IQGAP2: variants seen among roughly 807,000 people sequenced by gnomAD.
IQGAP2 encodes the protein IQ motif containing GTPase activating protein 2, also known as ras GTPase-activating-like protein IQGAP2.
In IQGAP2, 173 loss-of-function variants were observed where a neutral mutation model predicts 201.3. The ratio of observed to expected loss-of-function variants is 0.86; its 90% confidence interval spans 0.76 to 0.98. The LOEUF (loss-of-function observed/expected upper bound fraction) is 0.98, where lower values mean the gene tolerates loss of function less well. Ranked by LOEUF, IQGAP2 falls within the 50% of genes least tolerant of loss-of-function variation. The pLI, the probability that IQGAP2 is intolerant of heterozygous loss-of-function variation, is 0.00. For missense variants in IQGAP2, 1,687 were observed against 1,864.8 expected, an observed-to-expected ratio of 0.90 and a Z score of 1.76; for synonymous variants, 675 against 673.9, an observed-to-expected ratio of 1.00 and a Z score of -0.03.
chr5:76,437,333 G>A (rs4407615), intron 1 of IQGAP2, among the ~76,000 whole-genome samples: 2,033 of 152,012 alleles, frequency 0.013, 56 homozygotes, highest in African/African-American at 0.046. Flanking sequence ...GATTATAGGC[G>A]TGAGCCACCA....
intron 21 of IQGAP2, among the ~76,000 whole-genome samples, chr5:76,660,732 G>A (rs1311365216): frequency 1.3e-5 from 2 of 152,138 alleles, no homozygotes; most frequent in Non-Finnish European, 2.9e-5. Flanking sequence ...GCATTTTTTA[G>A]CGGTTAAATT....
intron 2 of IQGAP2, chr5:76,547,412 A>G (rs1743163191): frequency 2.0e-6 from 2 of 976,402 alleles, no homozygotes; most frequent in South Asian, 9.5e-5. Flanking sequence ...GGGGCTTAGA[A>G]GAGGGAAGTC....
intron 2 of IQGAP2, among the ~76,000 whole-genome samples, chr5:76,536,351 G>A (rs1245849969): frequency 4.6e-5 from 7 of 151,258 alleles, no homozygotes; most frequent in African/African-American, 1.5e-4. Context: ...GATCACAGGC[G>A]TGAGCTACCA....
intron 33 of IQGAP2, among the ~76,000 whole-genome samples, chr5:76,698,801 C>T (rs1467995036): frequency 1.3e-5 from 2 of 152,082 alleles, no homozygotes; most frequent in Non-Finnish European, 2.9e-5. Flanking sequence ...ATCAAATTGG[C>T]AGGAGGAAAT....
At chr5:76,404,545 G>C (rs1750690166) in intron 1 of IQGAP2, 1 of 957,540 alleles carries the variant, frequency 1.0e-6, no homozygotes, top group Non-Finnish European at 1.2e-6. Context: ...CCAGGTTTGG[G>C]TTAAGGTGGT....
At chr5:76,472,876 T>A (rs1054095688) in intron 2 of IQGAP2, among the ~76,000 whole-genome samples, 16 of 152,212 alleles carry the variant, frequency 1.1e-4, no homozygotes, top group African/African-American at 3.6e-4. Context: ...GAATTTTCCA[T>A]GGTTGCAAAT....
At chr5:76,592,222 A>G (rs975009631) in intron 8 of IQGAP2, among the ~76,000 whole-genome samples, 6 of 152,166 alleles carry the variant, frequency 3.9e-5, no homozygotes, top group Non-Finnish European at 5.9e-5. Context: ...TGAATTAAAT[A>G]CCAAATCTTA....
chr5:76,618,607 T>C, intron 13 of IQGAP2: 1 of 1,613,534 alleles, frequency 6.2e-7, no homozygotes, highest in Non-Finnish European at 8.5e-7. Context: ...ATGGGTAAGG[T>C]TGGCTTTGCC....
chr5:76,679,734 A>T (rs1745120307), intron 28 of IQGAP2, among the ~76,000 whole-genome samples: 1 of 152,208 alleles, frequency 6.6e-6, no homozygotes, highest in Admixed American at 6.5e-5. Context: ...TTTTCCCTCC[A>T]AAACATCATA....
chr5:76,594,046 C>G (rs562064540), intron 9 of IQGAP2, among the ~76,000 whole-genome samples: 1 of 152,320 alleles, frequency 6.6e-6, no homozygotes, highest in Admixed American at 6.5e-5. Context: ...TGAAAACTCT[C>G]AATTGCCTTT....
chr5:76,597,689 G>A, intron 10 of IQGAP2, 87 bp downstream of exon 10: 2 of 1,338,678 alleles, frequency 1.5e-6, no homozygotes, highest in Non-Finnish European at 2.1e-6. Context: ...AGGGGAATAG[G>A]GATCGGGGAT....
At chr5:76,512,160 C>T (rs1758008035) in intron 2 of IQGAP2, among the ~76,000 whole-genome samples, 2 of 152,102 alleles carry the variant, frequency 1.3e-5, no homozygotes, top group South Asian at 4.1e-4. Context: ...GAAAGACAAA[C>T]TATTTGAAGA....
In IQGAP2 at chr5:76,695,585, G is replaced by A; in HGVS notation, c.4125G>A (p.Gln1375=). The change falls in exon 32 of 36, where the codon CAG becomes CAA. Residue 1375 remains glutamine, a synonymous_variant. Coordinates refer to ENST00000274364, the MANE Select transcript of IQGAP2 (RefSeq NM_006633.5). ...TTGAGCAGAAGAAGAGGAAAATCCA[G>A]AGGAATCTTCGGACGTTGGAACAGA... is the stretch of plus-strand genomic sequence containing the variant. ...LPLEQKKRKI[Q]RNLRTLEQTG... is the part of the protein sequence containing the mutation. 5 of 1,614,184 alleles carry A rather than the reference G, an allele frequency of 3.1e-6. No individual in the cohort carries two copies. Among genetic ancestry groups the A allele is most frequent in the Non-Finnish European group, 4.2e-6 (5 of 1,180,028 alleles).
rs115794486 is a variant in IQGAP2, at chr5:76,677,008, A to G, written c.3528-210A>G. ...CCTGAGGCCCTTGCCACTCTCTCCA[A>G]TCCTGTTTGAGGAGCTGGGTCCAAT... On this transcript the variant is annotated intron_variant, in intron 27 of 35. Transcript: ENST00000274364. 1,251 of 507,700 alleles carry G rather than the reference A, an allele frequency of 2.5e-3. 11 individuals carry two copies. Among genetic ancestry groups the G allele is most frequent in the African/African-American group, 0.02 (1,062 of 51,918 alleles). The allele number at this position is 507,700 out of a possible 1,614,324, so 31.4% of individuals were successfully genotyped here. A position where few individuals can be genotyped will look rare whatever the true frequency, so the allele number is the denominator to read the frequency against.
chr5:76,592,997 A>G (rs1208459939), intron 9 of IQGAP2, 72 bp downstream of exon 9: 2 of 1,015,614 alleles, frequency 2.0e-6, no homozygotes, highest in East Asian at 2.4e-5. Flanking sequence ...GAATCCCAAC[A>G]CAACTCTCAA....
chr5:76,652,339 G>C (rs1189820518), intron 17 of IQGAP2, among the ~76,000 whole-genome samples: 1 of 152,122 alleles, frequency 6.6e-6, no homozygotes, highest in African/African-American at 2.4e-5. Flanking sequence ...CACGTGTTGT[G>C]GTAAAGATAC....
At chr5:76,670,532 A>T (rs1561573835) in intron 23 of IQGAP2, among the ~76,000 whole-genome samples, 1 of 152,154 alleles carries the variant, frequency 6.6e-6, no homozygotes, top group Non-Finnish European at 1.5e-5. Flanking sequence ...AAATAAACAA[A>T]ACTAGCATTT....
intron 28 of IQGAP2, among the ~76,000 whole-genome samples, chr5:76,681,755 C>G (rs111422994): frequency 6.6e-6 from 1 of 151,934 alleles, no homozygotes; most frequent in Non-Finnish European, 1.5e-5. Flanking sequence ...GGAAGTATAC[C>G]CATAAAAAAT....
intron 1 of IQGAP2, among the ~76,000 whole-genome samples, chr5:76,454,051 G>C (rs1413072485): frequency 6.6e-6 from 1 of 152,122 alleles, no homozygotes; most frequent in Non-Finnish European, 1.5e-5. Context: ...AATTTTCTCT[G>C]TGCCTACTTG....
Sources: gnomAD v4.1 joint callset for allele counts (sites outside exome capture counted in the v4.1 genomes callset) on GRCh38, gnomAD v4.1.1 for gene constraint, MANE v1.5 for transcripts, NCBI Gene and HGNC (gene_info 2026-07-23, HGNC 2026-07-21) for gene names.